Variants in ABTB2 observed in about 807,000 individuals in gnomAD.
ABTB2 encodes the protein ankyrin repeat and BTB domain containing 2.
In ABTB2, 56 loss-of-function variants were observed where a neutral mutation model predicts 104.1. The observed-to-expected ratio is 0.54, with a 90% CI of 0.43 to 0.67. The LOEUF (loss-of-function observed/expected upper bound fraction) is 0.67. Ranked by LOEUF, ABTB2 falls within the 30% of genes least tolerant of loss-of-function variation. ABTB2 has a pLI of 0.00. For missense variants in ABTB2, 1,279 were observed against 1,407.7 expected, an observed-to-expected ratio of 0.91 and a Z score of 1.46; for synonymous variants, 606 against 608.2, an observed-to-expected ratio of 1.00 and a Z score of 0.05.
intron 1 of ABTB2, among the ~76,000 whole-genome samples, chr11:34,232,077 TAATA>T (rs1485441325): frequency 6.6e-6 from 1 of 152,192 alleles, no homozygotes; most frequent in East Asian, 1.9e-4. Flanking sequence ...GAACTTTAGT[TAATA>T]ATGTTAATAG....
At chr11:34,227,232 C>G (rs1214041139) in intron 1 of ABTB2, among the ~76,000 whole-genome samples, 3 of 150,670 alleles carry the variant, frequency 2.0e-5, no homozygotes, top group Non-Finnish European at 4.4e-5. Context: ...CCAGATTGCA[C>G]CACTGCACTC....
At chr11:34,318,996 T>C (rs1854970814) in intron 1 of ABTB2, among the ~76,000 whole-genome samples, 1 of 152,226 alleles carries the variant, frequency 6.6e-6, no homozygotes, top group South Asian at 2.1e-4. Flanking sequence ...CAAAGGCACC[T>C]CTTTCCAGAC....
At chr11:34,321,958 A>G (rs964237687) in intron 1 of ABTB2, among the ~76,000 whole-genome samples, 2 of 152,180 alleles carry the variant, frequency 1.3e-5, no homozygotes, top group African/African-American at 4.8e-5. Context: ...AGAAAGCCCA[A>G]ACTCATACCC....
chr11:34,164,789 G>A lies in ABTB2; in HGVS notation c.1885C>T (p.Arg629Ter), dbSNP rs1336741962. 1.9e-6 allele frequency: 3 copies of A among 1,577,720 alleles called. No homozygotes were observed. Among genetic ancestry groups the A allele is most frequent in the South Asian group, 1.2e-5 (1 of 85,068 alleles). The change falls in exon 9 of 17, where the codon CGA becomes TGA. Residue 629 changes from arginine to a stop codon, truncating the protein, a stop_gained. Transcript: ENST00000435224. LOFTEE classifies it high-confidence loss of function. ...ATGCTGAGGAGGGGGTCGGCGCCTC[G>A]GCTCAGCAACAAACTGACCAGCTCA... ...NYELVSLLLS[R>*]GADPLLSMLE...
intron 1 of ABTB2, among the ~76,000 whole-genome samples, chr11:34,341,799 A>C (rs1368157202): frequency 6.6e-6 from 1 of 152,036 alleles, no homozygotes. Context: ...AAATAAAACA[A>C]ATTTTTCTTA....
At chr11:34,309,709 G>C (rs1470350594) in intron 1 of ABTB2, among the ~76,000 whole-genome samples, 2 of 151,994 alleles carry the variant, frequency 1.3e-5, no homozygotes, top group Non-Finnish European at 2.9e-5. Context: ...CAAACTTTTG[G>C]TTAACTATTT....
At position 34,160,987 on chromosome 11, in the gene ABTB2, G is replaced by C; in HGVS notation, c.2313C>G (p.Phe771Leu). The C allele has an allele frequency of 3.1e-6, 5 of 1,613,830 alleles. No individual in the cohort carries two copies. The highest frequency in any genetic ancestry group is 3.4e-6 in the Non-Finnish European group (4 of 1,179,918). ...TGTACTCCTCCTCTCTGATGGAGCT[G>C]AAGTCCCGCAGGAGGCTCTGCACCA... is the stretch of plus-strand genomic sequence containing the variant. ...YSVVQSLLRD[F>L]SSIREEEYNE... Residue 771 changes from phenylalanine (F) to leucine (L), a missense_variant, in exon 11 of 17, where the codon TTC becomes TTG. Phe to Leu is a conservative substitution (Grantham distance 22). Coordinates refer to ENST00000435224, the MANE Select transcript of ABTB2 (RefSeq NM_145804.3).
At chr11:34,205,900 G>A (rs1376767547) in intron 1 of ABTB2, among the ~76,000 whole-genome samples, 1 of 152,176 alleles carries the variant, frequency 6.6e-6, no homozygotes. Flanking sequence ...GATAACTAGA[G>A]TACCTAGCTC....
chr11:34,176,639 C>T (rs1397170659), intron 3 of ABTB2, among the ~76,000 whole-genome samples: 5 of 152,220 alleles, frequency 3.3e-5, no homozygotes, highest in Admixed American at 2.0e-4. Context: ...GAGACCGTGT[C>T]TCAAGAAAAC....
chr11:34,218,294 A>G (rs1226813453), intron 1 of ABTB2, among the ~76,000 whole-genome samples: 1 of 152,120 alleles, frequency 6.6e-6, no homozygotes, highest in African/African-American at 2.4e-5. Flanking sequence ...ACTAATTTTG[A>G]TAAAGTGCAG....
intron 1 of ABTB2, among the ~76,000 whole-genome samples, chr11:34,290,360 C>T (rs946729053): frequency 3.9e-5 from 6 of 152,230 alleles, no homozygotes; most frequent in Admixed American, 2.6e-4. Context: ...GTATCTAATT[C>T]CTCCCTGACC....
chr11:34,241,015 C>A (rs78984728), intron 1 of ABTB2, among the ~76,000 whole-genome samples: 3,810 of 152,088 alleles, frequency 0.025, 160 homozygotes, highest in African/African-American at 0.087. Context: ...GTTTTTAGGG[C>A]AAGGGGGAAA....
intron 1 of ABTB2, among the ~76,000 whole-genome samples, chr11:34,336,309 C>T (rs1335892068): frequency 1.3e-5 from 2 of 152,144 alleles, no homozygotes; most frequent in African/African-American, 2.4e-5. Flanking sequence ...GTACTACTAT[C>T]ATTCCAAGTT....
rs530173895 is a variant in ABTB2 at position 34,154,272 on chromosome 11, T to C, written c.2873A>G (p.Tyr958Cys). The C allele has an allele frequency of 4.3e-6, 7 of 1,612,676 alleles. No individual in the cohort carries two copies. In the South Asian group the frequency reaches 6.6e-5, roughly 15 times the overall value. The change falls in exon 16 of 17, where the codon TAT becomes TGT. Residue 958 changes from tyrosine (Y) to cysteine (C), a missense_variant. Tyr to Cys is a radical substitution (Grantham distance 194). Coordinates refer to ENST00000435224, the MANE Select transcript of ABTB2 (RefSeq NM_145804.3). This position sits in a 1 kb window ranked among gnomAD's most constrained non-coding sequence, Gnocchi z 4.9. ...GGCATCCTTGGCCCTCACCTTGGCATATTTGTAGGTGTTCACGGCACTCTC... is the reference window on the plus strand; with the variant it reads ...GGCATCCTTGGCCCTCACCTTGGCACATTTGTAGGTGTTCACGGCACTCTC... ...SMESAVNTYK[Y>C]AKIHNAPELA...
chr11:34,222,134 G>A (rs1321350995), intron 1 of ABTB2, among the ~76,000 whole-genome samples: 1 of 152,134 alleles, frequency 6.6e-6, no homozygotes, highest in Admixed American at 6.5e-5. Context: ...GGGCTTCCAG[G>A]TTATAGGTAG....
At chr11:34,165,854 C>T (rs1432107275) in intron 7 of ABTB2, among the ~76,000 whole-genome samples, 1 of 152,228 alleles carries the variant, frequency 6.6e-6, no homozygotes, top group Non-Finnish European at 1.5e-5. Context: ...GAGGGGCTTG[C>T]TTCCCTTAGG....
chr11:34,185,586 G>C (rs1226185616), intron 3 of ABTB2, among the ~76,000 whole-genome samples: 1 of 152,202 alleles, frequency 6.6e-6, no homozygotes. Flanking sequence ...CCTTTGTAGA[G>C]GGTAGGTCAC....
At chr11:34,286,688 T>C (rs1854510443) in intron 1 of ABTB2, among the ~76,000 whole-genome samples, 1 of 152,174 alleles carries the variant, frequency 6.6e-6, no homozygotes, top group Non-Finnish European at 1.5e-5. Context: ...CATTCCTGTT[T>C]TTGGTTCTCA....
chr11:34,279,097 G>A (rs1854419739), intron 1 of ABTB2, among the ~76,000 whole-genome samples: 1 of 152,152 alleles, frequency 6.6e-6, no homozygotes, highest in African/African-American at 2.4e-5. Flanking sequence ...AAACTAAGCA[G>A]AAACAAACCA....
Sources: gnomAD v4.1 joint callset for allele counts (sites outside exome capture counted in the v4.1 genomes callset) on GRCh38, gnomAD v4.1.1 for gene constraint, Gnocchi (gnomAD v3.1) non-coding constraint, MANE v1.5 for transcripts, NCBI Gene and HGNC (gene_info 2026-07-23, HGNC 2026-07-21) for gene names.